XKR6: variants seen among roughly 807,000 people sequenced by gnomAD.
XKR6 encodes XK-related protein 6.
XKR6 carries 22 observed loss-of-function variants against 56.7 expected under a neutral mutation model. That is an observed-to-expected ratio of 0.39 (90% confidence interval 0.28 to 0.55). XKR6 has a LOEUF of 0.55. Ranked by LOEUF, XKR6 falls within the 20% of genes least tolerant of loss-of-function variation. The pLI, the probability that XKR6 is intolerant of heterozygous loss-of-function variation, is 0.66. For synonymous variants in XKR6, 524 were observed against 387.8 expected (o/e 1.35, Z -4.13); for missense variants, 852 against 889.0 (o/e 0.96, Z 0.53).
At chr8:11,162,297 C>G (rs1188790232) in intron 1 of XKR6, among the ~76,000 whole-genome samples, 1 of 152,114 alleles carries the variant, frequency 6.6e-6, no homozygotes. Flanking sequence ...AGAGTAAACC[C>G]AGGAAAAGCC....
At chr8:10,977,507 G>A (rs115170434) in intron 1 of XKR6, among the ~76,000 whole-genome samples, 4 of 151,510 alleles carry the variant, frequency 2.6e-5, no homozygotes, top group South Asian at 4.2e-4. Flanking sequence ...TTACAACCCT[G>A]GATGCAACCC....
intron 1 of XKR6, among the ~76,000 whole-genome samples, chr8:10,942,500 C>G (rs1244828904): frequency 6.6e-6 from 1 of 152,246 alleles, no homozygotes; most frequent in East Asian, 1.9e-4. Flanking sequence ...CTCCCGGTCA[C>G]TCGCCATCAC....
At chr8:11,024,624 T>C (rs556715394) in intron 1 of XKR6, among the ~76,000 whole-genome samples, 9 of 152,346 alleles carry the variant, frequency 5.9e-5, no homozygotes, top group Non-Finnish European at 1.2e-4. Flanking sequence ...GTCAGAACTA[T>C]GCCCATGAGG....
chr8:11,113,847 G>A (rs562364052), intron 1 of XKR6: 6 of 180,780 alleles, frequency 3.3e-5, no homozygotes, highest in African/African-American at 9.5e-5. Context: ...ATTTAGGTAC[G>A]ATATGTCAGT....
chr8:11,170,667 G>C (rs539698449), intron 1 of XKR6, among the ~76,000 whole-genome samples: 1 of 152,172 alleles, frequency 6.6e-6, no homozygotes, highest in Non-Finnish European at 1.5e-5. Context: ...AAAAACAATC[G>C]CACAATCTAA....
intron 1 of XKR6, among the ~76,000 whole-genome samples, chr8:11,151,558 AGCTCAT>A (rs1394797232): frequency 6.6e-6 from 1 of 152,206 alleles, no homozygotes; most frequent in Admixed American, 6.5e-5. Context: ...TTTCCCTAAA[AGCTCAT>A]GCTAAACCAC....
intron 1 of XKR6, among the ~76,000 whole-genome samples, chr8:11,145,718 G>A (rs76719150): frequency 7.2e-5 from 11 of 152,216 alleles, no homozygotes; most frequent in Admixed American, 3.3e-4. Flanking sequence ...TAAATAAATG[G>A]AGAGATACGC....
chr8:11,045,073 C>T (rs1563100900), intron 1 of XKR6, among the ~76,000 whole-genome samples: 1 of 122,194 alleles, frequency 8.2e-6, no homozygotes, highest in Non-Finnish European at 1.7e-5. Context: ...CCTCAAATCA[C>T]TCTTTTTTTT....
intron 1 of XKR6, among the ~76,000 whole-genome samples, chr8:10,927,103 C>T (rs745493025): frequency 6.6e-6 from 1 of 152,122 alleles, no homozygotes; most frequent in Non-Finnish European, 1.5e-5. Context: ...CAGCGAGGTT[C>T]CTGGAAGCAG....
intron 2 of XKR6, among the ~76,000 whole-genome samples, chr8:10,914,006 G>C (rs1800484423): frequency 2.0e-5 from 3 of 152,214 alleles, no homozygotes; most frequent in Admixed American, 1.3e-4. Flanking sequence ...CCTTTGGTCA[G>C]GTCCGGGCCC....
intron 1 of XKR6, among the ~76,000 whole-genome samples, chr8:10,985,307 T>A (rs571246764): frequency 2.6e-5 from 4 of 152,236 alleles, no homozygotes; most frequent in Admixed American, 6.5e-5. Flanking sequence ...GATGGTTTTA[T>A]AAAGGAGAGT....
chr8:10,996,584 G>C (rs1798118155), intron 1 of XKR6, among the ~76,000 whole-genome samples: 1 of 152,104 alleles, frequency 6.6e-6, no homozygotes, highest in South Asian at 2.1e-4. Context: ...AATCTCTTAG[G>C]TTTTTGTCTG....
chr8:11,140,303 C>T (rs558059574), intron 1 of XKR6, among the ~76,000 whole-genome samples: 4 of 152,210 alleles, frequency 2.6e-5, no homozygotes, highest in African/African-American at 7.2e-5. Context: ...GAATGAAAAA[C>T]GATCTGAAGC....
At chr8:10,965,628 C>T (rs1346636264) in intron 1 of XKR6, among the ~76,000 whole-genome samples, 1 of 152,236 alleles carries the variant, frequency 6.6e-6, no homozygotes, top group Non-Finnish European at 1.5e-5. Context: ...CCAAACAGCT[C>T]GCTTGAGACT....
chr8:10,924,488 T>C, intron 2 of XKR6, 146 bp downstream of exon 2: 1 of 935,990 alleles, frequency 1.1e-6, no homozygotes, highest in Non-Finnish European at 1.6e-6. Context: ...CCGTCAGCAC[T>C]GCACTGGGGG....
At chr8:11,093,624 T>A (rs1295221276) in intron 1 of XKR6, among the ~76,000 whole-genome samples, 1 of 150,768 alleles carries the variant, frequency 6.6e-6, no homozygotes. Flanking sequence ...TTAGTTTAAG[T>A]ATTTTATACT....
At chr8:11,166,294 G>A (rs1027223892) in intron 1 of XKR6, among the ~76,000 whole-genome samples, 23 of 152,062 alleles carry the variant, frequency 1.5e-4, no homozygotes, top group African/African-American at 4.8e-4. Flanking sequence ...TCAGGATTGC[G>A]TGTTCACAGT....
intron 1 of XKR6, among the ~76,000 whole-genome samples, chr8:11,181,506 G>A (rs1303194674): frequency 6.6e-6 from 1 of 152,152 alleles, no homozygotes; most frequent in Non-Finnish European, 1.5e-5. Context: ...TTATTTCATA[G>A]GGACATATTT....
intron 1 of XKR6, among the ~76,000 whole-genome samples, chr8:11,168,866 G>C (rs1465655563): frequency 6.6e-6 from 1 of 152,320 alleles, no homozygotes; most frequent in African/African-American, 2.4e-5. Flanking sequence ...TGTATAACCA[G>C]TGGGCTTCCA....
Sources: gnomAD v4.1 joint callset for allele counts (sites outside exome capture counted in the v4.1 genomes callset) on GRCh38, gnomAD v4.1.1 for gene constraint, MANE v1.5 for transcripts, NCBI Gene and HGNC (gene_info 2026-07-23, HGNC 2026-07-21) for gene names.